Variants in KBTBD12 observed in about 807,000 individuals in gnomAD.
KBTBD12 encodes kelch repeat and BTB domain containing 12.
KBTBD12 carries 53 observed loss-of-function variants against 58.7 expected under a neutral mutation model. The observed-to-expected ratio is 0.90, with a 90% CI of 0.72 to 1.14. The LOEUF (loss-of-function observed/expected upper bound fraction) is 1.14. Ranked by LOEUF, KBTBD12 falls within the 50% of genes most tolerant of loss-of-function variation. The pLI is 0.00. For synonymous variants in KBTBD12, 236 were observed against 259.8 expected (o/e 0.91, Z 0.88); for missense variants, 704 against 751.3 (o/e 0.94, Z 0.74).
intron 5 of KBTBD12, among the ~76,000 whole-genome samples, chr3:127,964,640 C>CAAAAAAAAAAAA (rs34230294): frequency 9.0e-6 from 1 of 111,142 alleles, no homozygotes; most frequent in Admixed American, 9.8e-5. Flanking sequence ...GACTCCATCT[C>CAAAAAAAAAAAA]AAAAAAAAAA....
chr3:127,935,390 T>TA (rs927683190), intron 4 of KBTBD12, among the ~76,000 whole-genome samples: 1 of 152,102 alleles, frequency 6.6e-6, no homozygotes, highest in African/African-American at 2.4e-5. Context: ...AGTATTAACC[T>TA]AAAATAGAGG....
intron 4 of KBTBD12, 60 bp from the exon 5 acceptor site, chr3:127,963,129 G>T: frequency 7.1e-7 from 1 of 1,405,846 alleles, no homozygotes; most frequent in East Asian, 2.4e-5. Flanking sequence ...AGGGGGCAGT[G>T]CTGTCCACAA....
Position 127,924,048 on chromosome 3 carries a change from G to A in KBTBD12, c.987G>A (p.Met329Ile). The A allele has an allele frequency of 1.2e-6, 2 of 1,613,708 alleles. No individual in the cohort carries two copies. The highest frequency in any genetic ancestry group is 1.7e-6 in the Non-Finnish European group (2 of 1,179,694). ...GAACTGTGTGTACTGGTGTTGTCAT[G>A]GAAAATAATACTATAATTGTGGCTG... ...GLGTVCTGVV[M>I]ENNTIIVAGE... Residue 329 changes from methionine (M) to isoleucine (I), a missense_variant, in exon 2 of 6, where the codon ATG (methionine) becomes ATA (isoleucine). By Grantham distance (10) the Met-to-Ile change is conservative. Coordinates refer to ENST00000405109, the MANE Select transcript of KBTBD12 (RefSeq NM_207335.4).
At chr3:127,916,941 A>C (rs1335205359) in intron 1 of KBTBD12, among the ~76,000 whole-genome samples, 2 of 152,234 alleles carry the variant, frequency 1.3e-5, no homozygotes, top group African/African-American at 2.4e-5. Context: ...AACTTGAAGC[A>C]TTAAGCGTTG....
In KBTBD12 at chr3:127,961,833, C is replaced by A. The variant is rs563098391; in HGVS notation, c.1493-1356C>A. Among the ~76,000 whole-genome samples, 5 of 152,276 alleles carry A rather than the reference C, an allele frequency of 3.3e-5. No individual in the cohort carries two copies. The East Asian group carries it at 9.7e-4, about 29-fold the overall frequency. ...GGAAAGCAGGTGATGGTGAAAATAC[C>A]ACCTGACTGATGCAGTGATAGGCAA... On this transcript the variant is annotated intron_variant, in intron 4 of 5. Coordinates refer to ENST00000405109, the MANE Select transcript of KBTBD12 (RefSeq NM_207335.4).
intron 4 of KBTBD12, among the ~76,000 whole-genome samples, chr3:127,935,074 G>C (rs1465733165): frequency 6.6e-6 from 1 of 152,074 alleles, no homozygotes; most frequent in Admixed American, 6.6e-5. Context: ...AGATATAAAA[G>C]AATACAGATG....
chr3:127,974,331 C>A (rs1256536471), intron 5 of KBTBD12, among the ~76,000 whole-genome samples: 1 of 152,204 alleles, frequency 6.6e-6, no homozygotes, highest in African/African-American at 2.4e-5. Context: ...CTCATGCTTT[C>A]CTTTCTCTTC....
chr3:127,923,071 A>G lies in KBTBD12; in HGVS notation c.10A>G (p.Lys4Glu). Reference sequence around the variant, plus strand: ...CTTTGGAGAGTAGATCATGGAGTGCAAGATTGAGGGAAAAGAAAAATACCA... The same window carrying G: ...CTTTGGAGAGTAGATCATGGAGTGCGAGATTGAGGGAAAAGAAAAATACCA... MEC[K>E]IEGKEKYQHS... The change falls in exon 2 of 6, where the codon AAG becomes GAG. Residue 4 changes from lysine to glutamate, a missense_variant. Transcript: ENST00000405109. 6.3e-7 allele frequency: 1 copy of G among 1,599,458 alleles called. No homozygotes were observed. Among genetic ancestry groups the G allele is most frequent in the South Asian group, 1.1e-5 (1 of 90,354 alleles).
chr3:127,980,354 G>T (rs545392902), intron 5 of KBTBD12, among the ~76,000 whole-genome samples: 3 of 152,066 alleles, frequency 2.0e-5, no homozygotes. Flanking sequence ...TTTTGAGATG[G>T]AGTCTCGCTC....
At chr3:127,972,759 G>A (rs1940707757) in intron 5 of KBTBD12, among the ~76,000 whole-genome samples, 1 of 152,232 alleles carries the variant, frequency 6.6e-6, no homozygotes, top group Admixed American at 6.5e-5. Flanking sequence ...CAGCCTGAAA[G>A]GGCAGTCACT....
chr3:127,953,394 C>T (rs541591335), intron 4 of KBTBD12, among the ~76,000 whole-genome samples: 133 of 152,322 alleles, frequency 8.7e-4, no homozygotes, highest in Admixed American at 3.5e-3. Flanking sequence ...ACTTACTGCA[C>T]ATTCACACAG....
intron 4 of KBTBD12, among the ~76,000 whole-genome samples, chr3:127,945,223 C>T (rs558220721): frequency 3.7e-5 from 4 of 108,982 alleles, no homozygotes; most frequent in East Asian, 3.2e-4. Context: ...CTCGCTCTGT[C>T]GCCCAGGCTG....
intron 4 of KBTBD12, among the ~76,000 whole-genome samples, chr3:127,949,154 C>T (rs1362956572): frequency 6.6e-6 from 1 of 152,158 alleles, no homozygotes; most frequent in Non-Finnish European, 1.5e-5. Context: ...CTATACAAAT[C>T]TAGGGGTTTG....
intron 4 of KBTBD12, among the ~76,000 whole-genome samples, chr3:127,946,382 GGTATAT>G (rs1940082995): frequency 6.6e-6 from 1 of 152,096 alleles, no homozygotes; most frequent in Non-Finnish European, 1.5e-5. Flanking sequence ...TCATTTTCAA[GGTATAT>G]GTTTTGCTGG....
intron 5 of KBTBD12, among the ~76,000 whole-genome samples, chr3:127,963,933 A>C (rs1940507393): frequency 6.6e-6 from 1 of 152,204 alleles, no homozygotes; most frequent in South Asian, 2.1e-4. Context: ...CTACCACTTG[A>C]AATAAATGGC....
intron 5 of KBTBD12, among the ~76,000 whole-genome samples, chr3:127,964,738 ATGGCAAGAGG>A (rs1196300165): frequency 6.6e-6 from 1 of 152,142 alleles, no homozygotes; most frequent in Non-Finnish European, 1.5e-5. Flanking sequence ...ATTGTTTTTA[ATGGCAAGAGG>A]TGGCAAGAAT....
At position 127,963,824 on chromosome 3, in the gene KBTBD12, T is replaced by C. The variant is rs79249041; in HGVS notation, c.1690+438T>C. 919 of 153,874 alleles carry C rather than the reference T, an allele frequency of 6.0e-3. 9 individuals are homozygous for C. The highest frequency in any genetic ancestry group is 0.021 in the African/African-American group (869 of 41,532). 9.5% of individuals were successfully genotyped at this position (153,874 alleles called of 1,614,324 possible). ...GACTATGGTGAGACTAAAGAAGAGA[T>C]TTTAAAATGGGAAGAGTAGCTGAAA... is the stretch of plus-strand genomic sequence containing the variant. On this transcript the variant is annotated intron_variant, in intron 5 of 5. Coordinates refer to ENST00000405109, the MANE Select transcript of KBTBD12 (RefSeq NM_207335.4).
At chr3:127,922,532 G>T (rs930341221) in intron 1 of KBTBD12, among the ~76,000 whole-genome samples, 1 of 152,146 alleles carries the variant, frequency 6.6e-6, no homozygotes, top group African/African-American at 2.4e-5. Context: ...TAACAGTTCG[G>T]TGTATTTTTT....
At chr3:127,983,582 G>A (rs570381445) in intron 5 of KBTBD12, among the ~76,000 whole-genome samples, 13 of 152,172 alleles carry the variant, frequency 8.5e-5, no homozygotes, top group Middle Eastern at 3.4e-3. Context: ...ATGAAACCCC[G>A]TCTCTACTAA....
Sources: allele counts gnomAD v4.1 joint callset (sites outside exome capture counted in the v4.1 genomes callset), GRCh38; gene constraint gnomAD v4.1.1; transcripts MANE v1.5; gene names NCBI Gene and HGNC (gene_info 2026-07-23, HGNC 2026-07-21).